Variants in CDK6 observed in about 807,000 individuals in gnomAD.
CDK6 encodes the protein cyclin dependent kinase 6.
Under a neutral mutation model 37.1 loss-of-function variants are expected in CDK6, and 6 were observed. The observed-to-expected ratio is 0.16, with a 90% CI of 0.09 to 0.32. The LOEUF is 0.32. CDK6 is among the 10% of genes least tolerant of loss of function. The pLI is 1.00. For synonymous variants in CDK6, 160 were observed against 161.3 expected (o/e 0.99, Z 0.06); for missense variants, 224 against 418.9 (o/e 0.53, Z 4.06).
At position 92,696,932 on chromosome 7, in the gene CDK6, TC is replaced by T. The variant is rs556339334; in HGVS notation, c.538-25398del. Among the ~76,000 whole-genome samples the T allele has an allele frequency of 4.9e-4, 74 of 152,308 alleles. 1 individual carries two copies. Among genetic ancestry groups the T allele is most frequent in the South Asian group, 6.2e-4 (3 of 4,820 alleles). ...AAGTCATTAAGTCTTACTAAAATCA[TC>T]CAATCAAATATGAGACAGGAATGAG... On this transcript the variant is annotated intron_variant, in intron 4 of 7. Transcript: ENST00000424848.
At chr7:92,782,670 G>C (rs570326341) in intron 2 of CDK6, among the ~76,000 whole-genome samples, 2 of 152,138 alleles carry the variant, frequency 1.3e-5, no homozygotes, top group Non-Finnish European at 2.9e-5. Flanking sequence ...CAGTGGGCAA[G>C]AGATTCCGGA....
In CDK6 at chr7:92,611,372, C is replaced by T. The variant is rs561701712; in HGVS notation, c.*3768G>A. On this transcript the variant is annotated 3_prime_UTR_variant, in exon 8 of 8. Transcript: ENST00000424848. ...TTTTAACATTATTTTTTCCTAGACT[C>T]AACTATGCAATTAAAGCCTGCTTTT... The T allele has an allele frequency of 1.8e-5, 4 of 227,748 alleles. No homozygotes were observed. The highest frequency in any genetic ancestry group is 3.5e-5 in the Non-Finnish European group (4 of 114,944). 14.1% of individuals were successfully genotyped at this position (227,748 alleles called of 1,614,324 possible).
At chr7:92,689,548 T>G (rs1797551789) in intron 4 of CDK6, among the ~76,000 whole-genome samples, 1 of 152,218 alleles carries the variant, frequency 6.6e-6, no homozygotes, top group Admixed American at 6.5e-5. Flanking sequence ...ACATGAATGA[T>G]AAAGAAAATG....
At chr7:92,799,256 C>T (rs1800504375) in intron 2 of CDK6, among the ~76,000 whole-genome samples, 1 of 152,174 alleles carries the variant, frequency 6.6e-6, no homozygotes, top group Non-Finnish European at 1.5e-5. Context: ...CCAGCGAGAT[C>T]TGTCTCTCAA....
chr7:92,729,653 C>A (rs1282104369), intron 3 of CDK6, among the ~76,000 whole-genome samples: 1 of 152,160 alleles, frequency 6.6e-6, no homozygotes, highest in Non-Finnish European at 1.5e-5. Context: ...TTCCAGAGCT[C>A]TAATCCTCTT....
At chr7:92,799,866 A>T (rs146536759) in intron 2 of CDK6, among the ~76,000 whole-genome samples, 1 of 152,166 alleles carries the variant, frequency 6.6e-6, no homozygotes, top group African/African-American at 2.4e-5. Flanking sequence ...CTTTGACTAT[A>T]ACTCTGCCTT....
At chr7:92,722,425 T>C (rs1798389601) in intron 4 of CDK6, among the ~76,000 whole-genome samples, 1 of 152,200 alleles carries the variant, frequency 6.6e-6, no homozygotes, top group Admixed American at 6.5e-5. Flanking sequence ...GTAGAAAGGA[T>C]TATGATAAAA....
intron 4 of CDK6, among the ~76,000 whole-genome samples, chr7:92,697,286 C>T (rs1325428190): frequency 1.3e-5 from 2 of 152,132 alleles, no homozygotes; most frequent in African/African-American, 4.8e-5. Flanking sequence ...CAGAAACTGA[C>T]TAGAAGGAAT....
intron 4 of CDK6, among the ~76,000 whole-genome samples, chr7:92,672,184 G>GACAC (rs1175195840): frequency 0.066 from 2,901 of 44,032 alleles, 230 homozygotes; most frequent in Non-Finnish European, 0.08. Flanking sequence ...CACACACACA[G>GACAC]ACACATACAC....
chr7:92,695,417 T>C (rs1024097318), intron 4 of CDK6, among the ~76,000 whole-genome samples: 1 of 152,104 alleles, frequency 6.6e-6, no homozygotes, highest in Non-Finnish European at 1.5e-5. Context: ...ATAAGGACAA[T>C]ATTGCAAGTT....
chr7:92,656,499 G>A (rs548052418), intron 5 of CDK6, among the ~76,000 whole-genome samples: 1 of 152,310 alleles, frequency 6.6e-6, no homozygotes, highest in African/African-American at 2.4e-5. Flanking sequence ...GGGAAATTAT[G>A]TAGGCATACA....
At position 92,609,721 on chromosome 7, in the gene CDK6, C is replaced by T. The variant is rs551591739; in HGVS notation, c.*5419G>A. 18 of 230,752 alleles carry T rather than the reference C, an allele frequency of 7.8e-5. No individual in the cohort carries two copies. The highest frequency in any genetic ancestry group is 2.6e-4 in the African/African-American group (12 of 45,336). 14.3% of individuals were successfully genotyped at this position (230,752 alleles called of 1,614,324 possible). A position where few individuals can be genotyped will look rare whatever the true frequency, so the allele number is the denominator to read the frequency against. On this transcript the variant is annotated 3_prime_UTR_variant, in exon 8 of 8. Transcript: ENST00000424848. ...CACTAAAGGAGTTTTATACTTCTAA[C>T]GAAACTATCCTGTTCACAGATGAGG...
chr7:92,668,416 C>CA (rs1248465902), intron 5 of CDK6, among the ~76,000 whole-genome samples: 2 of 151,524 alleles, frequency 1.3e-5, no homozygotes, highest in Non-Finnish European at 2.9e-5. Flanking sequence ...AGTAAACTGA[C>CA]AGAGAGTAGT....
chr7:92,697,423 T>C lies in CDK6; in HGVS notation c.538-25888A>G, dbSNP rs1214327828. 2.6e-5 allele frequency among the ~76,000 whole-genome samples: 4 copies of C among 152,352 alleles called. No homozygotes were observed. In the East Asian group the frequency reaches 7.7e-4, roughly 29 times the overall value. On this transcript the variant is annotated intron_variant, in intron 4 of 7. Coordinates refer to ENST00000424848, the MANE Select transcript of CDK6 (RefSeq NM_001145306.2). The stretch of plus-strand genomic sequence containing the variant: ...TTCACTAAGGACTTCACACATTTTA[T>C]GTTACTTAAACATAAAAACTTGTGA...
intron 5 of CDK6, among the ~76,000 whole-genome samples, chr7:92,669,549 A>T (rs980286833): frequency 1.3e-5 from 2 of 152,118 alleles, no homozygotes; most frequent in Non-Finnish European, 2.9e-5. Flanking sequence ...TCTGTAATCA[A>T]CTCTTGGCTG....
At chr7:92,708,338 A>G (rs1214335640) in intron 4 of CDK6, among the ~76,000 whole-genome samples, 2 of 152,196 alleles carry the variant, frequency 1.3e-5, no homozygotes, top group Non-Finnish European at 2.9e-5. Context: ...ATCATTACCA[A>G]TTGCTATTTG....
intron 3 of CDK6, among the ~76,000 whole-genome samples, chr7:92,750,650 G>A (rs932243914): frequency 7.9e-5 from 12 of 152,206 alleles, no homozygotes; most frequent in South Asian, 4.2e-4. Flanking sequence ...ATGAATTTAC[G>A]TCACAATGTG....
chr7:92,836,185 G>A (rs1801666855), intron 1 of CDK6, among the ~76,000 whole-genome samples: 1 of 151,920 alleles, frequency 6.6e-6, no homozygotes, highest in Admixed American at 6.6e-5. Flanking sequence ...GTGTGCGTAC[G>A]GATACGTGGA....
chr7:92,642,654 T>C (rs1257614793), intron 5 of CDK6, among the ~76,000 whole-genome samples: 2 of 152,176 alleles, frequency 1.3e-5, no homozygotes, highest in African/African-American at 4.8e-5. Flanking sequence ...TGAAGTGCTT[T>C]ATACATACTG....
Sources: gnomAD v4.1 joint callset for allele counts (sites outside exome capture counted in the v4.1 genomes callset) on GRCh38, gnomAD v4.1.1 for gene constraint, MANE v1.5 for transcripts, NCBI Gene and HGNC (gene_info 2026-07-23, HGNC 2026-07-21) for gene names.